LYPD6: variants seen among roughly 807,000 people sequenced by gnomAD.
LYPD6 encodes LY6/PLAUR domain containing 6, also known as ly6/PLAUR domain-containing protein 6.
Under a neutral mutation model 22.7 loss-of-function variants are expected in LYPD6, and 15 were observed. The observed-to-expected ratio is 0.66, with a 90% CI of 0.44 to 1.02. LYPD6 has a LOEUF of 1.02. LYPD6 is among the 50% of genes least tolerant of loss of function. The probability of loss-of-function intolerance (pLI) is 0.00; values close to 1 mark genes in which losing one functional copy is unlikely to be tolerated. For missense variants in LYPD6, 189 were observed against 208.4 expected, an observed-to-expected ratio of 0.91 and a Z score of 0.57; for synonymous variants, 72 against 77.5, an observed-to-expected ratio of 0.93 and a Z score of 0.37.
chr2:149,469,851 A>C (rs1480067364), intron 4 of LYPD6, among the ~76,000 whole-genome samples: 2 of 152,202 alleles, frequency 1.3e-5, no homozygotes, highest in African/African-American at 4.8e-5. Context: ...CCTCCGCAAC[A>C]TTATACTGAC....
In LYPD6 at chr2:149,473,293, G is replaced by A. The variant is rs60964930; in HGVS notation, c.*2443G>A. Reference sequence around the variant, plus strand: ...ACTCTGCATAGATGTTGCTGCATGTGTCCCATGTGCCTGTCAGAATGGCAG... The same window carrying A: ...ACTCTGCATAGATGTTGCTGCATGTATCCCATGTGCCTGTCAGAATGGCAG... On this transcript the variant is annotated 3_prime_UTR_variant, in exon 5 of 5. Coordinates refer to ENST00000334166, the MANE Select transcript of LYPD6 (RefSeq NM_194317.5). The A allele has an allele frequency of 0.018, 2,744 of 152,658 alleles. 37 individuals carry two copies. The highest frequency in any genetic ancestry group is 0.031 in the African/African-American group (1,280 of 41,528). The allele number at this position is 152,658 out of a possible 1,614,324, so 9.5% of individuals were successfully genotyped here.
chr2:149,477,837 G>C (rs1424872878), downstream of LYPD6, among the ~76,000 whole-genome samples: 3 of 152,064 alleles, frequency 2.0e-5, no homozygotes, highest in Non-Finnish European at 2.9e-5. Flanking sequence ...GAAGGTGTCA[G>C]GCTAGTGAAA....
the LYPD6 span, among the ~76,000 whole-genome samples, chr2:149,483,186 C>A: frequency 6.6e-6 from 1 of 152,216 alleles, no homozygotes; most frequent in African/African-American, 2.4e-5. Flanking sequence ...TCTGGCACTC[C>A]AGCATTCTGG....
At chr2:149,357,478 G>A (rs988585696) in intron 1 of LYPD6, among the ~76,000 whole-genome samples, 28 of 152,112 alleles carry the variant, frequency 1.8e-4, no homozygotes, top group African/African-American at 6.0e-4. Flanking sequence ...CCTGAGAGCT[G>A]TTTCTCTGGG....
intron 1 of LYPD6, among the ~76,000 whole-genome samples, chr2:149,375,858 A>G (rs1462679801): frequency 6.6e-6 from 1 of 152,224 alleles, no homozygotes; most frequent in Admixed American, 6.5e-5. Context: ...AGAGTTAGAC[A>G]GGATGTGACT....
chr2:149,371,417 G>A (rs932907015), intron 1 of LYPD6, among the ~76,000 whole-genome samples: 2 of 152,200 alleles, frequency 1.3e-5, no homozygotes, highest in African/African-American at 4.8e-5. Flanking sequence ...AAAAGAGAAA[G>A]TGGACGTATA....
chr2:149,477,750 A>G (rs934172475), downstream of LYPD6, among the ~76,000 whole-genome samples: 2 of 152,062 alleles, frequency 1.3e-5, no homozygotes, highest in African/African-American at 2.4e-5. Context: ...CAACCAGAGT[A>G]TAAGTCTGGC....
At chr2:149,330,548 G>GCGCCCCTAGC (rs1680912948), upstream of LYPD6, 1 of 150,158 alleles carries the variant, frequency 6.7e-6, no homozygotes, top group Non-Finnish European at 1.5e-5. Context: ...AGTGGCGCGC[G>GCGCCCCTAGC]CGCCCCTAGC....
At chr2:149,438,492 T>G (rs968653720) in intron 2 of LYPD6, among the ~76,000 whole-genome samples, 17 of 152,262 alleles carry the variant, frequency 1.1e-4, no homozygotes, top group African/African-American at 3.9e-4. Context: ...TTATTGTCTC[T>G]TTGTATGAAT....
intron 1 of LYPD6, among the ~76,000 whole-genome samples, chr2:149,403,981 A>C (rs932746969): frequency 2.0e-4 from 31 of 152,172 alleles, no homozygotes; most frequent in African/African-American, 6.8e-4. Flanking sequence ...ACCATTTATT[A>C]AATAGGGAAT....
At chr2:149,426,283 C>T (rs561151281) in intron 1 of LYPD6, among the ~76,000 whole-genome samples, 24 of 152,298 alleles carry the variant, frequency 1.6e-4, no homozygotes, top group Admixed American at 1.4e-3. Flanking sequence ...AAACAACTCT[C>T]ACGGTTTTTG....
At chr2:149,364,544 ATTT>A (rs558543639) in intron 1 of LYPD6, among the ~76,000 whole-genome samples, 1 of 135,320 alleles carries the variant, frequency 7.4e-6, no homozygotes. Context: ...ACAGAGTACA[ATTT>A]TTTTTTTTTT....
intron 1 of LYPD6, among the ~76,000 whole-genome samples, chr2:149,407,727 T>C (rs1318093477): frequency 6.6e-6 from 1 of 152,244 alleles, no homozygotes; most frequent in Non-Finnish European, 1.5e-5. Context: ...CCTTCTTCTC[T>C]CAACTTGTGA....
chr2:149,423,400 GA>G (rs1559147081), intron 1 of LYPD6, among the ~76,000 whole-genome samples: 1 of 152,172 alleles, frequency 6.6e-6, no homozygotes. Flanking sequence ...ATGAAGGGGG[GA>G]AATTTTGATA....
chr2:149,478,100 G>A (rs13395707), downstream of LYPD6, among the ~76,000 whole-genome samples: 6,129 of 152,122 alleles, frequency 0.04, 422 homozygotes, highest in African/African-American at 0.14. Context: ...CTGGGGTAGG[G>A]GAGCTTCCAA....
chr2:149,354,721 G>C (rs1031001792), intron 1 of LYPD6, among the ~76,000 whole-genome samples: 1 of 152,122 alleles, frequency 6.6e-6, no homozygotes, highest in African/African-American at 2.4e-5. Flanking sequence ...AGGGGGCTTG[G>C]AATGCAATTA....
chr2:149,479,723 G>T, the LYPD6 span, among the ~76,000 whole-genome samples: 2 of 152,122 alleles, frequency 1.3e-5, no homozygotes, highest in African/African-American at 4.8e-5. Flanking sequence ...TCTGGTCCCA[G>T]CTATGATCAC....
At chr2:149,334,911 C>T (rs1681006888) in intron 1 of LYPD6, among the ~76,000 whole-genome samples, 1 of 152,104 alleles carries the variant, frequency 6.6e-6, no homozygotes, top group African/African-American at 2.4e-5. Flanking sequence ...AAATTCCTAT[C>T]ACCTAGTGAC....
intron 1 of LYPD6, among the ~76,000 whole-genome samples, chr2:149,384,184 G>A (rs770401277): frequency 6.6e-6 from 1 of 152,130 alleles, no homozygotes; most frequent in Non-Finnish European, 1.5e-5. Context: ...TTTTTTAACA[G>A]CATCTCAATT....
Sources: gnomAD v4.1 joint callset for allele counts (sites outside exome capture counted in the v4.1 genomes callset) on GRCh38, gnomAD v4.1.1 for gene constraint, MANE v1.5 for transcripts, NCBI Gene and HGNC (gene_info 2026-07-23, HGNC 2026-07-21) for gene names.